Variants in NKAIN2 observed in about 807,000 individuals in gnomAD.
NKAIN2 encodes sodium/potassium-transporting ATPase subunit beta-1-interacting protein 2.
A neutral mutation model predicts 32.6 loss-of-function variants in NKAIN2; 14 were observed. That is an observed-to-expected ratio of 0.43 (90% confidence interval 0.28 to 0.67). The LOEUF (loss-of-function observed/expected upper bound fraction) is 0.67. Ranked by LOEUF, NKAIN2 falls within the 30% of genes least tolerant of loss-of-function variation. NKAIN2 has a pLI of 0.17. For synonymous variants in NKAIN2, 80 were observed against 87.2 expected (o/e 0.92, Z 0.46); for missense variants, 198 against 258.3 (o/e 0.77, Z 1.60).
chr6:124,337,234 C>G (rs540451966), intron 2 of NKAIN2, among the ~76,000 whole-genome samples: 1 of 152,138 alleles, frequency 6.6e-6, no homozygotes, highest in South Asian at 2.1e-4. Context: ...TGGTGGCTCA[C>G]GCCTGTAATC....
chr6:124,181,532 A>G (rs975817624), intron 1 of NKAIN2, among the ~76,000 whole-genome samples: 2 of 152,144 alleles, frequency 1.3e-5, no homozygotes, highest in Non-Finnish European at 1.5e-5. Context: ...ATTCCAAACC[A>G]TATCTCTGTG....
chr6:124,757,398 C>T (rs1342297315), intron 4 of NKAIN2, among the ~76,000 whole-genome samples: 2 of 152,004 alleles, frequency 1.3e-5, no homozygotes, highest in Non-Finnish European at 2.9e-5. Flanking sequence ...TTACTGGATC[C>T]CTGTTCTCAT....
chr6:124,216,887 A>C (rs957198035), intron 1 of NKAIN2, among the ~76,000 whole-genome samples: 12 of 152,206 alleles, frequency 7.9e-5, no homozygotes, highest in African/African-American at 2.7e-4. Flanking sequence ...ATTCAATCAT[A>C]AAGCAATGGT....
chr6:124,720,419 A>C (rs1775957490), intron 4 of NKAIN2, among the ~76,000 whole-genome samples: 1 of 152,238 alleles, frequency 6.6e-6, no homozygotes, highest in African/African-American at 2.4e-5. Flanking sequence ...GTGGTAAATT[A>C]AGTAAATTAT....
chr6:124,462,956 A>G (rs1776591925), intron 3 of NKAIN2, among the ~76,000 whole-genome samples: 1 of 152,108 alleles, frequency 6.6e-6, no homozygotes, highest in East Asian at 1.9e-4. Context: ...ACAGCTTCAC[A>G]CTGAACCTCT....
rs185220237 is a variant in NKAIN2 at position 124,629,090 on chromosome 6, G to A, written c.274-29096G>A. Among the ~76,000 whole-genome samples, 29 of 152,190 alleles carry A rather than the reference G, an allele frequency of 1.9e-4. 1 individual carries two copies. Among genetic ancestry groups the A allele is most frequent in the African/African-American group, 5.8e-4 (24 of 41,540 alleles). On this transcript the variant is annotated intron_variant, in intron 3 of 6. Coordinates refer to ENST00000368417, the MANE Select transcript of NKAIN2 (RefSeq NM_001040214.3). The stretch of plus-strand genomic sequence containing the variant: ...GTGATGGGAAAGAGAAAAGCAGGAG[G>A]TATATTTCTCCCATCTTTTTCCCTG...
chr6:124,805,635 G>A (rs1780510984), intron 5 of NKAIN2, among the ~76,000 whole-genome samples: 1 of 152,220 alleles, frequency 6.6e-6, no homozygotes, highest in Admixed American at 6.5e-5. Flanking sequence ...GAACAAAGCT[G>A]GATGGAGAAT....
intron 3 of NKAIN2, among the ~76,000 whole-genome samples, chr6:124,417,135 T>A (rs1774525705): frequency 6.6e-6 from 1 of 152,246 alleles, no homozygotes; most frequent in Admixed American, 6.5e-5. Context: ...ATAGATGGCA[T>A]ACTGAGAGGA....
chr6:124,255,309 T>G (rs1793875854), intron 1 of NKAIN2, among the ~76,000 whole-genome samples: 1 of 152,218 alleles, frequency 6.6e-6, no homozygotes, highest in Admixed American at 6.5e-5. Flanking sequence ...TGGTGAAATG[T>G]TGATGTGCTC....
intron 3 of NKAIN2, among the ~76,000 whole-genome samples, chr6:124,384,793 A>G (rs975132899): frequency 5.9e-5 from 9 of 151,796 alleles, no homozygotes; most frequent in Non-Finnish European, 8.8e-5. Context: ...ACACCCAGCT[A>G]GTTCTTGTAT....
intron 3 of NKAIN2, among the ~76,000 whole-genome samples, chr6:124,590,236 C>T (rs1336441467): frequency 6.6e-6 from 1 of 152,178 alleles, no homozygotes; most frequent in African/African-American, 2.4e-5. Flanking sequence ...ACAACTGCTA[C>T]TGTGCTCAGA....
chr6:123,986,713 A>G (rs971444284), intron 1 of NKAIN2, among the ~76,000 whole-genome samples: 1 of 152,164 alleles, frequency 6.6e-6, no homozygotes, highest in African/African-American at 2.4e-5. Context: ...TTCACATCTA[A>G]GACTGAAAAA....
intron 3 of NKAIN2, among the ~76,000 whole-genome samples, chr6:124,637,058 T>C (rs1783798378): frequency 2.0e-5 from 3 of 152,062 alleles, no homozygotes; most frequent in Non-Finnish European, 4.4e-5. Context: ...GTAAGATTTA[T>C]CTCAGGGATG....
intron 1 of NKAIN2, among the ~76,000 whole-genome samples, chr6:123,896,707 A>T (rs1366901019): frequency 6.6e-6 from 1 of 152,014 alleles, no homozygotes; most frequent in East Asian, 1.9e-4. Flanking sequence ...CCACTATGTA[A>T]ATGTTAGTTT....
At chr6:123,862,321 T>A (rs995420410) in intron 1 of NKAIN2, among the ~76,000 whole-genome samples, 4 of 152,160 alleles carry the variant, frequency 2.6e-5, no homozygotes, top group Non-Finnish European at 5.9e-5. Flanking sequence ...CTTTGCAAAC[T>A]CAGTTTTTTA....
At chr6:124,735,664 T>C (rs1776899049) in intron 4 of NKAIN2, among the ~76,000 whole-genome samples, 1 of 151,982 alleles carries the variant, frequency 6.6e-6, no homozygotes. Flanking sequence ...TGTGTCACAT[T>C]TGGGTAGTTC....
chr6:124,094,480 C>T (rs981268914), intron 1 of NKAIN2, among the ~76,000 whole-genome samples: 17 of 152,082 alleles, frequency 1.1e-4, no homozygotes, highest in Admixed American at 7.2e-4. Flanking sequence ...TAAAGATCTA[C>T]AGGAATCCAC....
chr6:124,695,802 G>A (rs1774470125), intron 4 of NKAIN2, among the ~76,000 whole-genome samples: 2 of 152,178 alleles, frequency 1.3e-5, no homozygotes, highest in South Asian at 4.1e-4. Flanking sequence ...AGAAAGATGT[G>A]CTATCTTTTC....
intron 1 of NKAIN2, among the ~76,000 whole-genome samples, chr6:124,023,492 TA>T (rs2114766139): frequency 6.6e-6 from 1 of 152,258 alleles, no homozygotes; most frequent in South Asian, 2.1e-4. Flanking sequence ...CTCTGTGCCT[TA>T]AAATTTTTTT....
Sources: allele counts gnomAD v4.1 joint callset (sites outside exome capture counted in the v4.1 genomes callset), GRCh38; gene constraint gnomAD v4.1.1; transcripts MANE v1.5; gene names NCBI Gene and HGNC (gene_info 2026-07-23, HGNC 2026-07-21).